ATP9A: variants seen among roughly 807,000 people sequenced by gnomAD.
ATP9A encodes ATPase phospholipid transporting 9A.
Under a neutral mutation model 144.1 loss-of-function variants are expected in ATP9A, and 52 were observed. That is an observed-to-expected ratio of 0.36 (90% CI 0.29 to 0.45). ATP9A has a LOEUF of 0.45. Among genes scored for constraint, ATP9A ranks in the 20% least tolerant of loss-of-function variants. The pLI is 1.00. For missense variants in ATP9A, 947 were observed against 1,392.7 expected, an observed-to-expected ratio of 0.68 and a Z score of 5.09; for synonymous variants, 582 against 557.4, an observed-to-expected ratio of 1.04 and a Z score of -0.62.
intron 4 of ATP9A, among the ~76,000 whole-genome samples, chr20:51,712,210 C>G (rs1486571432): frequency 6.6e-6 from 1 of 151,824 alleles, no homozygotes; most frequent in African/African-American, 2.4e-5. Context: ...GTAGCTGGGA[C>G]TACAGGCGCC....
chr20:51,763,872 A>G (rs1382900408), intron 1 of ATP9A, among the ~76,000 whole-genome samples: 1 of 152,140 alleles, frequency 6.6e-6, no homozygotes, highest in Admixed American at 6.6e-5. Context: ...TTGCCACAAC[A>G]TCACACCAGG....
chr20:51,715,310 A>G (rs1344372121), intron 3 of ATP9A, among the ~76,000 whole-genome samples: 1 of 152,226 alleles, frequency 6.6e-6, no homozygotes, highest in Admixed American at 6.5e-5. Context: ...ACTGCAGCCA[A>G]AAGAAACTGG....
chr20:51,679,893 G>A (rs1601099941), intron 9 of ATP9A, among the ~76,000 whole-genome samples: 1 of 152,154 alleles, frequency 6.6e-6, no homozygotes. Flanking sequence ...TGTGATCAGA[G>A]TAGTCGTCTC....
intron 9 of ATP9A, among the ~76,000 whole-genome samples, chr20:51,686,768 T>C (rs1336967234): frequency 1.3e-5 from 2 of 152,002 alleles, no homozygotes; most frequent in African/African-American, 2.4e-5. Context: ...AATCCCATCT[T>C]TACTAAAAAT....
At chr20:51,713,154 G>A (rs2077647379) in intron 3 of ATP9A, 80 bp from the exon 4 acceptor site, 6 of 1,314,396 alleles carry the variant, frequency 4.6e-6, no homozygotes, top group South Asian at 1.3e-5. Context: ...GGTGCCAGGG[G>A]CAGGAAAGGC....
At chr20:51,640,922 A>G (rs183489439) in intron 14 of ATP9A, among the ~76,000 whole-genome samples, 1 of 152,306 alleles carries the variant, frequency 6.6e-6, no homozygotes, top group East Asian at 1.9e-4. Flanking sequence ...GAGACGGCCT[A>G]ACTTTTAAAT....
intron 16 of ATP9A, 82 bp downstream of exon 16, chr20:51,628,898 A>C: frequency 6.6e-6 from 8 of 1,210,596 alleles, no homozygotes; most frequent in African/African-American, 1.5e-5. Flanking sequence ...TAACAAATAC[A>C]GAGACCCACC....
intron 13 of ATP9A, among the ~76,000 whole-genome samples, chr20:51,665,899 T>C (rs796626957): frequency 2.0e-5 from 3 of 152,340 alleles, no homozygotes; most frequent in African/African-American, 4.8e-5. Flanking sequence ...CCACCTGCTC[T>C]CTTTATGAGT....
intron 1 of ATP9A, among the ~76,000 whole-genome samples, chr20:51,756,254 G>A (rs1394408629): frequency 2.6e-5 from 4 of 151,056 alleles, no homozygotes; most frequent in South Asian, 2.1e-4. Flanking sequence ...GTCCTCACAC[G>A]GTCTTTTCTC....
chr20:51,768,252 G>T, intron 1 of ATP9A, 50 bp downstream of exon 1: 2 of 1,181,688 alleles, frequency 1.7e-6, no homozygotes, highest in African/African-American at 1.6e-5. Flanking sequence ...CCCGAGCGCC[G>T]GGCTCCGGGA....
intron 4 of ATP9A, among the ~76,000 whole-genome samples, chr20:51,712,162 T>C (rs1456506448): frequency 1.3e-5 from 2 of 148,778 alleles, no homozygotes; most frequent in African/African-American, 5.0e-5. Flanking sequence ...AACCTCCGCC[T>C]CCCAGGTTCA....
At chr20:51,654,953 T>C (rs1422454421) in intron 14 of ATP9A, among the ~76,000 whole-genome samples, 1 of 152,178 alleles carries the variant, frequency 6.6e-6, no homozygotes, top group East Asian at 1.9e-4. Flanking sequence ...GCTGTCTTGT[T>C]AGCACTAATA....
intron 6 of ATP9A, among the ~76,000 whole-genome samples, chr20:51,695,170 C>T (rs2077565275): frequency 6.6e-6 from 1 of 152,064 alleles, no homozygotes; most frequent in South Asian, 2.1e-4. Context: ...TTCCTCAGAA[C>T]AGCTTAAATA....
chr20:51,628,007 A>C (rs187980069), intron 16 of ATP9A, among the ~76,000 whole-genome samples: 1 of 152,138 alleles, frequency 6.6e-6, no homozygotes, highest in Admixed American at 6.5e-5. Flanking sequence ...GCATCTGACA[A>C]AACCAGGTGC....
chr20:51,751,406 T>G (rs982473304), intron 1 of ATP9A, among the ~76,000 whole-genome samples: 4 of 151,200 alleles, frequency 2.6e-5, no homozygotes, highest in Admixed American at 6.6e-5. Flanking sequence ...ACCACAAACA[T>G]GCAATACCAT....
intron 14 of ATP9A, among the ~76,000 whole-genome samples, chr20:51,643,962 C>A (rs1364276540): frequency 1.3e-5 from 2 of 151,922 alleles, no homozygotes; most frequent in Non-Finnish European, 1.5e-5. Context: ...ATAGCGAAAC[C>A]CCATCTCTAC....
chr20:51,696,530 T>G (rs1217111774), intron 5 of ATP9A, among the ~76,000 whole-genome samples: 1 of 152,092 alleles, frequency 6.6e-6, no homozygotes, highest in African/African-American at 2.4e-5. Context: ...TTCTACCAAC[T>G]TACCAGCTTG....
chr20:51,724,865 T>C (rs943784616), intron 3 of ATP9A, among the ~76,000 whole-genome samples: 4 of 152,176 alleles, frequency 2.6e-5, no homozygotes, highest in Non-Finnish European at 5.9e-5. Context: ...ATACTCTACA[T>C]TGGTTAAAAA....
rs1032390494 is a variant in ATP9A at position 51,597,643 on chromosome 20, C to T, written c.*3568G>A. ...CAGAAGAATGTACATGTCCCATTTG[C>T]AATTTTGGCAAAGGTTTAAAATGCT... On this transcript the variant is annotated 3_prime_UTR_variant, in exon 28 of 28. Transcript: ENST00000338821. The T allele has an allele frequency of 2.4e-4, 36 of 152,092 alleles. No individual in the cohort carries two copies. The highest frequency in any genetic ancestry group is 8.5e-4 in the African/African-American group (35 of 41,408). 9.4% of individuals were successfully genotyped at this position (152,092 alleles called of 1,614,324 possible). A position where few individuals can be genotyped will look rare whatever the true frequency, so the allele number is the denominator to read the frequency against.
Sources: allele counts gnomAD v4.1 joint callset (sites outside exome capture counted in the v4.1 genomes callset), GRCh38; gene constraint gnomAD v4.1.1; transcripts MANE v1.5; gene names NCBI Gene and HGNC (gene_info 2026-07-23, HGNC 2026-07-21).